UBE2Q2: variants seen among roughly 807,000 people sequenced by gnomAD.
UBE2Q2 encodes ubiquitin conjugating enzyme E2 Q2.
UBE2Q2 carries 54 observed loss-of-function variants against 59.9 expected under a neutral mutation model. The observed-to-expected ratio is 0.90, with a 90% CI of 0.72 to 1.13. UBE2Q2 has a LOEUF of 1.13. Ranked by LOEUF, UBE2Q2 falls within the 50% of genes most tolerant of loss-of-function variation. UBE2Q2 has a pLI of 0.00. For synonymous variants in UBE2Q2, 165 were observed against 155.2 expected (o/e 1.06, Z -0.47); for missense variants, 433 against 441.9 (o/e 0.98, Z 0.18).
intron 1 of UBE2Q2, chr15:75,844,540 TGG>T: frequency 6.5e-7 from 1 of 1,535,218 alleles, no homozygotes. Flanking sequence ...GCCTCGAAAA[TGG>T]ATAGGTGAAA....
chr15:75,867,383 G>C (rs1196785541), intron 3 of UBE2Q2, among the ~76,000 whole-genome samples: 1 of 152,166 alleles, frequency 6.6e-6, no homozygotes, highest in Non-Finnish European at 1.5e-5. Flanking sequence ...GATTGAGTCT[G>C]TGACTTTCTC....
chr15:75,891,485 G>GT (rs150289149), intron 11 of UBE2Q2, among the ~76,000 whole-genome samples: 64,429 of 145,818 alleles, frequency 0.44, 14,879 homozygotes, highest in South Asian at 0.67. Flanking sequence ...TGCTTACCAA[G>GT]TTTTTTTTTT....
rs186897389 is a variant in UBE2Q2 at position 75,859,466 on chromosome 15, T to C, written c.283-412T>C. Among the ~76,000 whole-genome samples the C allele has an allele frequency of 2.0e-3, 310 of 152,362 alleles. 2 individuals carry two copies. Among genetic ancestry groups the C allele is most frequent in the African/African-American group, 7.1e-3 (297 of 41,586 alleles). The stretch of plus-strand genomic sequence containing the variant: ...GGAATATATAATTTTGTAATCCATC[T>C]GTAACAACACTGCCTGTGTGTGTCT... On this transcript the variant is annotated intron_variant, in intron 2 of 12. Transcript: ENST00000267938.
rs1223771249 is a variant in UBE2Q2, at chr15:75,844,020, C to T, written c.180+174C>T. The T allele has an allele frequency of 7.8e-6, 11 of 1,408,954 alleles. No homozygotes were observed. In the East Asian group the frequency reaches 1.9e-4, roughly 25 times the overall value. The allele number at this position is 1,408,954 out of a possible 1,614,324, so 87.3% of individuals were successfully genotyped here. On this transcript the variant is annotated intron_variant, in intron 1 of 12. Transcript: ENST00000267938. The stretch of plus-strand genomic sequence containing the variant: ...CAGGCCGGGCTGGGACTGCGCGAGG[C>T]TTGGGTGGGAGGAGGCGGAGGGCGC...
At chr15:75,883,515 T>G in intron 9 of UBE2Q2, 91 bp downstream of exon 9, 1 of 907,988 alleles carries the variant, frequency 1.1e-6, no homozygotes, top group Non-Finnish European at 1.7e-6. Flanking sequence ...TTGCCCTGGC[T>G]GGTCTTGAAT....
chr15:75,888,879 T>G (rs537511192), intron 9 of UBE2Q2, among the ~76,000 whole-genome samples: 1 of 152,196 alleles, frequency 6.6e-6, no homozygotes, highest in African/African-American at 2.4e-5. Flanking sequence ...AAGAGTGGGG[T>G]ACCTTAAAGG....
At chr15:75,889,555 G>C (rs1296697896) in intron 9 of UBE2Q2, among the ~76,000 whole-genome samples, 1 of 152,084 alleles carries the variant, frequency 6.6e-6, no homozygotes, top group Non-Finnish European at 1.5e-5. Context: ...TACAGCATTT[G>C]GAAGGGTAGG....
At chr15:75,846,518 G>A (rs1214697741) in intron 1 of UBE2Q2, among the ~76,000 whole-genome samples, 1 of 152,102 alleles carries the variant, frequency 6.6e-6, no homozygotes, top group African/African-American at 2.4e-5. Context: ...GTTCCTGGCC[G>A]TAAAGACTCT....
rs1899656236 is a variant in UBE2Q2, at chr15:75,899,813, G to GT, written c.*357dup. 6.1e-6 allele frequency: 1 copy of GT among 164,024 alleles called. No homozygotes were observed. The highest frequency in any genetic ancestry group is 6.4e-5 in the Admixed American group (1 of 15,568). 10.2% of individuals were successfully genotyped at this position (164,024 alleles called of 1,614,324 possible). A position where few individuals can be genotyped will look rare whatever the true frequency, so the allele number is the denominator to read the frequency against. ...TAACTTTCCTATATTGAGCCCATGG[G>GT]TTACAAGGATTTGCAATATATTGTT... On this transcript the variant is annotated 3_prime_UTR_variant, in exon 13 of 13. Transcript: ENST00000267938.
chr15:75,880,503 A>G (rs1056096318), intron 8 of UBE2Q2, among the ~76,000 whole-genome samples: 1 of 149,086 alleles, frequency 6.7e-6, no homozygotes. Context: ...TTTTTTTGAG[A>G]CAGAATCTTG....
intron 3 of UBE2Q2, among the ~76,000 whole-genome samples, chr15:75,864,850 A>G (rs540953299): frequency 6.6e-6 from 1 of 151,694 alleles, no homozygotes; most frequent in South Asian, 2.1e-4. Context: ...TGCTTTTTCT[A>G]GTTTAGTGGA....
chr15:75,899,710 C>T lies in UBE2Q2; in HGVS notation c.*252C>T, dbSNP rs1899651392. The T allele has an allele frequency of 4.0e-6, 1 of 250,938 alleles. No individual in the cohort carries two copies. Among genetic ancestry groups the T allele is most frequent in the Non-Finnish European group, 7.6e-6 (1 of 131,948 alleles). The allele number at this position is 250,938 out of a possible 1,614,324, so 15.5% of individuals were successfully genotyped here. A position where few individuals can be genotyped will look rare whatever the true frequency, so the allele number is the denominator to read the frequency against. ...TGATAAATACACATACTGGCCACTC[C>T]TTATCTCTTTTTCTTGAAAAGTGAA... is the stretch of plus-strand genomic sequence containing the variant. On this transcript the variant is annotated 3_prime_UTR_variant, in exon 13 of 13. Transcript: ENST00000267938.
At chr15:75,891,782 A>G (rs757399118) in intron 11 of UBE2Q2, among the ~76,000 whole-genome samples, 3 of 152,220 alleles carry the variant, frequency 2.0e-5, no homozygotes, top group Non-Finnish European at 4.4e-5. Context: ...CATTAGTGAG[A>G]CAGCCTTCCA....
chr15:75,844,476 G>T (rs1203554961), intron 1 of UBE2Q2: 2 of 1,551,412 alleles, frequency 1.3e-6, no homozygotes, highest in Non-Finnish European at 1.7e-6. Flanking sequence ...TAGTACCGTC[G>T]TTGCGGCAGG....
At chr15:75,856,380 A>AAAATAAAG (rs1284772073) in intron 2 of UBE2Q2, among the ~76,000 whole-genome samples, 1 of 152,048 alleles carries the variant, frequency 6.6e-6, no homozygotes, top group East Asian at 1.9e-4. Context: ...AAATGATAAA[A>AAAATAAAG]AAATAAAGAA....
chr15:75,874,641 G>C (rs1897976352), intron 5 of UBE2Q2, among the ~76,000 whole-genome samples: 1 of 152,106 alleles, frequency 6.6e-6, no homozygotes, highest in African/African-American at 2.4e-5. Context: ...ACTGAGTCTG[G>C]TGACAAACAC....
chr15:75,890,020 T>C (rs1899003917), intron 9 of UBE2Q2, among the ~76,000 whole-genome samples: 1 of 152,158 alleles, frequency 6.6e-6, no homozygotes, highest in South Asian at 2.1e-4. Context: ...ATAGCATGGA[T>C]AGGGTAAGGT....
At chr15:75,876,155 G>C in intron 5 of UBE2Q2, 32 bp from the exon 6 acceptor site, 1 of 1,603,086 alleles carries the variant, frequency 6.2e-7, no homozygotes, top group Non-Finnish European at 8.5e-7. Flanking sequence ...TAGCTCAGCA[G>C]ACCCTGGTAA....
chr15:75,877,208 C>T (rs957565152), intron 6 of UBE2Q2, among the ~76,000 whole-genome samples: 3 of 141,516 alleles, frequency 2.1e-5, no homozygotes, highest in Admixed American at 7.1e-5. Flanking sequence ...TCAATTCTAG[C>T]ATTATGACCG....
Sources: allele counts gnomAD v4.1 joint callset (sites outside exome capture counted in the v4.1 genomes callset), GRCh38; gene constraint gnomAD v4.1.1; transcripts MANE v1.5; gene names NCBI Gene and HGNC (gene_info 2026-07-23, HGNC 2026-07-21).